Variants in ABR observed in about 807,000 individuals in gnomAD.
ABR encodes ABR activator of RhoGEF and GTPase, also known as active breakpoint cluster region-related protein.
A neutral mutation model predicts 107.2 loss-of-function variants in ABR; 35 were observed. The ratio of observed to expected loss-of-function variants is 0.33; its 90% CI spans 0.25 to 0.43. The LOEUF (loss-of-function observed/expected upper bound fraction) is 0.43. Among genes scored for constraint, ABR ranks in the 20% least tolerant of loss-of-function variants. ABR has a pLI of 1.00. For synonymous variants in ABR, 498 were observed against 462.0 expected (o/e 1.08, Z -1.00); for missense variants, 815 against 1,115.2 (o/e 0.73, Z 3.83).
At chr17:1,012,052 C>G (rs1027977401) in intron 18 of ABR, 67 bp from the exon 19 acceptor site, 2 of 1,601,672 alleles carry the variant, frequency 1.2e-6, no homozygotes, top group African/African-American at 1.3e-5. Context: ...CAACCCCCAC[C>G]CAGCACACAC....
At chr17:1,039,343 G>A (rs1223315766) in intron 16 of ABR, among the ~76,000 whole-genome samples, 3 of 152,226 alleles carry the variant, frequency 2.0e-5, no homozygotes, top group Non-Finnish European at 4.4e-5. Flanking sequence ...ACTGGGCAGA[G>A]TCCAGGCTCC....
At chr17:1,140,196 G>A (rs991228059) in intron 1 of ABR, among the ~76,000 whole-genome samples, 1 of 152,226 alleles carries the variant, frequency 6.6e-6, no homozygotes, top group African/African-American at 2.4e-5. Context: ...GTCTGGCGAT[G>A]GGAGAGTTGA....
intron 1 of ABR, among the ~76,000 whole-genome samples, chr17:1,133,826 C>G (rs76158663): frequency 0.041 from 6,312 of 152,244 alleles, 444 homozygotes; most frequent in African/African-American, 0.14. Context: ...TTACCAGGAA[C>G]GGCTGCCCTA....
At chr17:1,169,725 G>A (rs1408952029) in intron 1 of ABR, among the ~76,000 whole-genome samples, 1 of 152,166 alleles carries the variant, frequency 6.6e-6, no homozygotes, top group South Asian at 2.1e-4. Flanking sequence ...GCAGGCCCTG[G>A]GCCTCGGCAA....
intron 1 of ABR, among the ~76,000 whole-genome samples, chr17:1,209,290 T>C (rs1382086939): frequency 6.6e-6 from 1 of 151,968 alleles, no homozygotes; most frequent in African/African-American, 2.4e-5. Flanking sequence ...TCTTTCTTTT[T>C]TTTTTTGAGA....
In ABR at chr17:1,070,110, C is replaced by G; in HGVS notation, c.895-20G>C. ...TCGCGTCTGAGGGAGATGGCAGACC[C>G]CCCAGCCTGCTCAGAGGGGAATGCG... On this transcript the variant is annotated intron_variant, in intron 8 of 22. Transcript: ENST00000302538. This position sits in a 1 kb window ranked among gnomAD's most constrained non-coding sequence, Gnocchi z 4.2. 1 of 1,613,166 alleles carries G rather than the reference C, an allele frequency of 6.2e-7. No individual in the cohort carries two copies. The highest frequency in any genetic ancestry group is 1.3e-5 in the African/African-American group (1 of 74,972).
At chr17:1,066,266 A>G (rs2034730150) in intron 10 of ABR, among the ~76,000 whole-genome samples, 1 of 152,146 alleles carries the variant, frequency 6.6e-6, no homozygotes, top group African/African-American at 2.4e-5. Flanking sequence ...AAAAATTTTG[A>G]GATTTCCTTA....
chr17:1,161,933 A>G (rs1489483337), intron 1 of ABR, among the ~76,000 whole-genome samples: 2 of 152,174 alleles, frequency 1.3e-5, no homozygotes, highest in Admixed American at 6.5e-5. Context: ...GCTAATGGTA[A>G]TCATAGCACC....
chr17:1,009,234 T>C (rs28695750), intron 21 of ABR, among the ~76,000 whole-genome samples: 10 of 40,296 alleles, frequency 2.5e-4, no homozygotes, highest in African/African-American at 8.3e-4. Flanking sequence ...CTACTGTCCA[T>C]TCCCCACTGC....
At chr17:1,087,443 C>T (rs1411573346) in intron 4 of ABR, among the ~76,000 whole-genome samples, 4 of 152,028 alleles carry the variant, frequency 2.6e-5, no homozygotes, top group African/African-American at 7.2e-5. Context: ...GAGGGGAGCG[C>T]GAGTGGGGAC....
At chr17:1,048,251 C>A (rs1031323101) in intron 16 of ABR, among the ~76,000 whole-genome samples, 1 of 152,228 alleles carries the variant, frequency 6.6e-6, no homozygotes, top group African/African-American at 2.4e-5. Flanking sequence ...GGGTGCAGAC[C>A]CCACAGCATC....
chr17:1,033,669 G>A (rs1011164787), intron 16 of ABR, among the ~76,000 whole-genome samples: 1 of 152,164 alleles, frequency 6.6e-6, no homozygotes, highest in Non-Finnish European at 1.5e-5. Flanking sequence ...TGGCTCACAC[G>A]TCACACGCAC....
intron 2 of ABR, among the ~76,000 whole-genome samples, chr17:1,110,374 G>GGCCAGCCGGTGAA (rs1377409972): frequency 1.3e-5 from 2 of 152,110 alleles, no homozygotes; most frequent in African/African-American, 4.8e-5. Flanking sequence ...CTGCGGGTGA[G>GGCCAGCCGGTGAA]GCCAGCCGGT....
intron 16 of ABR, among the ~76,000 whole-genome samples, chr17:1,025,305 A>G (rs2072105189): frequency 1.3e-5 from 2 of 152,086 alleles, no homozygotes; most frequent in South Asian, 2.1e-4. Flanking sequence ...CAAAACAACA[A>G]CAGCAAACAA....
chr17:1,012,844 C>T, intron 17 of ABR, 47 bp from the exon 18 acceptor site: 1 of 1,462,786 alleles, frequency 6.8e-7, no homozygotes, highest in Non-Finnish European at 9.4e-7. Flanking sequence ...GTGTGAGTGC[C>T]CGAGGAATGC....
At chr17:1,040,716 A>G (rs1049588500) in intron 16 of ABR, among the ~76,000 whole-genome samples, 1 of 152,188 alleles carries the variant, frequency 6.6e-6, no homozygotes, top group Non-Finnish European at 1.5e-5. Context: ...TACTGACTCC[A>G]TGCCAGGCCC....
At chr17:1,036,464 G>A (rs1483868354) in intron 16 of ABR, among the ~76,000 whole-genome samples, 1 of 151,338 alleles carries the variant, frequency 6.6e-6, no homozygotes, top group Non-Finnish European at 1.5e-5. Flanking sequence ...AGAAGGTGCT[G>A]GAGGAGAGCA....
Position 1,050,662 on chromosome 17 carries a change from T to C in ABR, c.1562-28A>G, listed in dbSNP as rs1309426882. ...GTGGGGGAAGGACAGACGGAGATAC[T>C]GAGTGAGTGGGGCCAGGGTGGGGCA... is the stretch of plus-strand genomic sequence containing the variant. On this transcript the variant is annotated intron_variant, in intron 14 of 22. Transcript: ENST00000302538. This position sits in a 1 kb window ranked among gnomAD's most constrained non-coding sequence, Gnocchi z 4.6. The C allele has an allele frequency of 1.3e-6, 2 of 1,595,546 alleles. No homozygotes were observed. Among genetic ancestry groups the C allele is most frequent in the African/African-American group, 1.3e-5 (1 of 74,518 alleles).
rs115604396 is a variant in ABR, at chr17:1,049,454, C to T, written c.1791+596G>A. ...GTGCTGGGATTACAGGCGTGAGCCA[C>T]CGCACCCAGAAGCATAAATACCCTT... On this transcript the variant is annotated intron_variant, in intron 16 of 22. Coordinates refer to ENST00000302538, the MANE Select transcript of ABR (RefSeq NM_021962.5). 9.5e-3 allele frequency among the ~76,000 whole-genome samples: 1,454 copies of T among 152,276 alleles called. 26 individuals are homozygous for T. The highest frequency in any genetic ancestry group is 0.033 in the African/African-American group (1,388 of 41,532).
Sources: allele counts gnomAD v4.1 joint callset (sites outside exome capture counted in the v4.1 genomes callset), GRCh38; gene constraint gnomAD v4.1.1; non-coding constraint Gnocchi (gnomAD v3.1); transcripts MANE v1.5; gene names NCBI Gene and HGNC (gene_info 2026-07-23, HGNC 2026-07-21).